P2RY12: variants seen among roughly 807,000 people sequenced by gnomAD.
The protein encoded by P2RY12 is purinergic receptor P2Y12, also known as P2Y purinoceptor 12.
In P2RY12, 3 loss-of-function variants were observed where a neutral mutation model predicts 4.5. The ratio of observed to expected loss-of-function variants is 0.67; its 90% confidence interval spans 0.31 to 1.74. The LOEUF (loss-of-function observed/expected upper bound fraction) is 1.74, where lower values mean the gene tolerates loss of function less well. Among genes scored for constraint, P2RY12 ranks in the 40% most tolerant of loss-of-function variants. The pLI, the probability that P2RY12 is intolerant of heterozygous loss-of-function variation, is 0.09. For missense variants in P2RY12, 356 were observed against 407.8 expected (o/e 0.87, Z 1.09); for synonymous variants, 148 against 154.1 (o/e 0.96, Z 0.29).
chr3:151,343,690 G>C (rs866983169), intron 1 of P2RY12, among the ~76,000 whole-genome samples: 2 of 152,106 alleles, frequency 1.3e-5, no homozygotes, highest in South Asian at 2.1e-4. Flanking sequence ...TGGTTGGTTT[G>C]GTTATTTTGT....
chr3:151,345,313 CAA>C (rs1042858821), intron 1 of P2RY12, among the ~76,000 whole-genome samples: 31 of 152,172 alleles, frequency 2.0e-4, no homozygotes, highest in African/African-American at 4.8e-4. Context: ...AGGGAATAAA[CAA>C]GAGTAATTTT....
intron 1 of P2RY12, among the ~76,000 whole-genome samples, chr3:151,356,865 C>T (rs1415278183): frequency 5.3e-5 from 8 of 151,878 alleles, no homozygotes; most frequent in Non-Finnish European, 1.2e-4. Flanking sequence ...GAGATATTAA[C>T]TTTGTTAATG....
intron 1 of P2RY12, chr3:151,376,130 G>T: frequency 6.2e-7 from 1 of 1,610,862 alleles, no homozygotes; most frequent in Non-Finnish European, 8.5e-7. Context: ...AGAAATTACT[G>T]CAGCTTATCT....
intron 1 of P2RY12, chr3:151,377,250 G>A: frequency 7.8e-7 from 1 of 1,275,288 alleles, no homozygotes; most frequent in Non-Finnish European, 1.1e-6. Flanking sequence ...GTGTAGCACA[G>A]TGATTTTTCT....
chr3:151,348,628 G>T (rs1476972266), intron 1 of P2RY12, among the ~76,000 whole-genome samples: 1 of 151,642 alleles, frequency 6.6e-6, no homozygotes, highest in Non-Finnish European at 1.5e-5. Context: ...GAATCATTTG[G>T]GGGTGGGGAA....
At chr3:151,373,059 T>C (rs1756386707) in intron 1 of P2RY12, among the ~76,000 whole-genome samples, 1 of 152,232 alleles carries the variant, frequency 6.6e-6, no homozygotes, top group South Asian at 2.1e-4. Flanking sequence ...GTAGATTGTA[T>C]ATTTTATTCT....
At chr3:151,351,567 CTCTG>C (rs1560063740) in intron 1 of P2RY12, among the ~76,000 whole-genome samples, 1 of 152,134 alleles carries the variant, frequency 6.6e-6, no homozygotes, top group African/African-American at 2.4e-5. Context: ...TTGGTGTTTT[CTCTG>C]TCTTAGAGAA....
intron 1 of P2RY12, chr3:151,355,866 CT>C: frequency 6.4e-7 from 1 of 1,567,172 alleles, no homozygotes; most frequent in Admixed American, 1.8e-5. Context: ...GAATATTGGT[CT>C]TACAATATTT....
intron 1 of P2RY12, among the ~76,000 whole-genome samples, chr3:151,364,497 A>G (rs1755042625): frequency 6.6e-6 from 1 of 152,172 alleles, no homozygotes; most frequent in South Asian, 2.1e-4. Flanking sequence ...CAGCTGTGCC[A>G]TAGTCTCCAG....
chr3:151,355,738 T>C (rs1753837363), intron 1 of P2RY12, among the ~76,000 whole-genome samples: 1 of 152,246 alleles, frequency 6.6e-6, no homozygotes, highest in South Asian at 2.1e-4. Context: ...TCATTTTCTT[T>C]GTACATAGTT....
chr3:151,341,675 C>A, intron 1 of P2RY12, among the ~76,000 whole-genome samples: 1 of 151,802 alleles, frequency 6.6e-6, no homozygotes, highest in Non-Finnish European at 1.5e-5. Context: ...GTGCTACACC[C>A]ATTAACTCGT....
At chr3:151,353,526 A>T (rs967255292) in intron 1 of P2RY12, among the ~76,000 whole-genome samples, 15 of 152,216 alleles carry the variant, frequency 9.9e-5, no homozygotes, top group Admixed American at 5.9e-4. Flanking sequence ...TTAAATTCTG[A>T]TGTACTCTAG....
chr3:151,357,606 T>C (rs1754086159), intron 1 of P2RY12, among the ~76,000 whole-genome samples: 1 of 152,158 alleles, frequency 6.6e-6, no homozygotes, highest in African/African-American at 2.4e-5. Flanking sequence ...CTTTCTTCCC[T>C]CTCCCTGGTT....
chr3:151,337,530 G>C lies in P2RY12; in HGVS notation c.*287C>G. ...AAATATTATATGATTACTCATTTTG[G>C]CAAAACTCTGCAAAACATGAATTCT... On this transcript the variant is annotated 3_prime_UTR_variant, in exon 3 of 3. Transcript: ENST00000302632. The C allele has an allele frequency of 3.1e-6, 1 of 318,710 alleles. No homozygotes were observed. Among genetic ancestry groups the C allele is most frequent in the Non-Finnish European group, 5.8e-6 (1 of 172,892 alleles). The allele number at this position is 318,710 out of a possible 1,614,324, so 19.7% of individuals were successfully genotyped here. A position where few individuals can be genotyped will look rare whatever the true frequency, so the allele number is the denominator to read the frequency against.
In P2RY12 at chr3:151,369,662, C is replaced by T. The variant is rs569653647; in HGVS notation, c.-180+15030G>A. 112 of 636,402 alleles carry T rather than the reference C, an allele frequency of 1.8e-4. No homozygotes were observed. The South Asian group carries it at 2.3e-3, about 13-fold the overall frequency. The allele number at this position is 636,402 out of a possible 1,614,324, so 39.4% of individuals were successfully genotyped here. A position where few individuals can be genotyped will look rare whatever the true frequency, so the allele number is the denominator to read the frequency against. On this transcript the variant is annotated intron_variant, in intron 1 of 2. Transcript: ENST00000302632. ...TATTGGAAACATGATACTGTTTGAT[C>T]GCTTATTCTCCTGGAAAAATTAGTG...
intron 1 of P2RY12, among the ~76,000 whole-genome samples, chr3:151,354,832 A>T (rs1753713105): frequency 6.6e-6 from 1 of 152,188 alleles, no homozygotes; most frequent in Admixed American, 6.5e-5. Flanking sequence ...ATACTATATG[A>T]TTTCCTTTAT....
At chr3:151,354,140 CAAAAAAAAAAAA>C (rs63033360) in intron 1 of P2RY12, among the ~76,000 whole-genome samples, 2 of 62,846 alleles carry the variant, frequency 3.2e-5, no homozygotes, top group Non-Finnish European at 5.3e-5. Context: ...GACTCCGTCT[CAAAAAAAAAAAA>C]AAAAAAAAAA....
At chr3:151,346,332 G>T (rs1197655015) in intron 1 of P2RY12, among the ~76,000 whole-genome samples, 1 of 152,064 alleles carries the variant, frequency 6.6e-6, no homozygotes, top group East Asian at 1.9e-4. Flanking sequence ...TGAAAGATAG[G>T]TCTGAAACAA....
chr3:151,337,195 G>A lies in P2RY12; in HGVS notation c.*622C>T, dbSNP rs1751118055. The A allele has an allele frequency of 6.6e-6, 1 of 151,872 alleles. No individual in the cohort carries two copies. The highest frequency in any genetic ancestry group is 6.6e-5 in the Admixed American group (1 of 15,236). The allele number at this position is 151,872 out of a possible 1,614,324, so 9.4% of individuals were successfully genotyped here. A position where few individuals can be genotyped will look rare whatever the true frequency, so the allele number is the denominator to read the frequency against. On this transcript the variant is annotated 3_prime_UTR_variant, in exon 3 of 3. Coordinates refer to ENST00000302632, the MANE Select transcript of P2RY12 (RefSeq NM_022788.5). ...CGATATTTCTTCTCTTTATTGTAAA[G>A]GTCTTCTTTAAATCTTTATCTTCTA... is the stretch of plus-strand genomic sequence containing the variant.
Sources: allele counts gnomAD v4.1 joint callset (sites outside exome capture counted in the v4.1 genomes callset), GRCh38; gene constraint gnomAD v4.1.1; transcripts MANE v1.5; gene names NCBI Gene and HGNC (gene_info 2026-07-23, HGNC 2026-07-21).